The following HS6ST3 variants were observed in gnomAD, a reference collection of about 807,000 sequenced individuals.
The protein encoded by HS6ST3 is heparan-sulfate 6-O-sulfotransferase 3.
Under a neutral mutation model 36.7 loss-of-function variants are expected in HS6ST3, and 12 were observed. The ratio of observed to expected loss-of-function variants is 0.33; its 90% confidence interval spans 0.21 to 0.53. The LOEUF is 0.53. Among genes scored for constraint, HS6ST3 ranks in the 20% least tolerant of loss-of-function variants. The pLI is 0.95. For synonymous variants in HS6ST3, 240 were observed against 257.5 expected (o/e 0.93, Z 0.65); for missense variants, 584 against 640.9 (o/e 0.91, Z 0.96).
intron 1 of HS6ST3, among the ~76,000 whole-genome samples, chr13:96,314,262 A>G (rs1051981188): frequency 6.6e-6 from 1 of 152,122 alleles, no homozygotes; most frequent in Non-Finnish European, 1.5e-5. Flanking sequence ...CTGGAGTACA[A>G]GTGTGGTTCT....
chr13:96,657,591 T>A (rs551215408), intron 1 of HS6ST3, among the ~76,000 whole-genome samples: 2 of 152,250 alleles, frequency 1.3e-5, no homozygotes, highest in Non-Finnish European at 2.9e-5. Flanking sequence ...ATGAAAAGTT[T>A]TAGGTTTCAA....
At chr13:96,173,669 TA>T (rs5805954) in intron 1 of HS6ST3, among the ~76,000 whole-genome samples, 1,544 of 94,806 alleles carry the variant, frequency 0.016, 22 homozygotes, top group East Asian at 0.057. Flanking sequence ...TCACAGGTTG[TA>T]AAAAAAAAAA....
chr13:96,757,793 C>A (rs1280899920), intron 1 of HS6ST3, among the ~76,000 whole-genome samples: 1 of 152,006 alleles, frequency 6.6e-6, no homozygotes, highest in Non-Finnish European at 1.5e-5. Flanking sequence ...AACTATTAAA[C>A]CAATCTTCCA....
chr13:96,476,555 G>T (rs1208596578), intron 1 of HS6ST3, among the ~76,000 whole-genome samples: 1 of 152,080 alleles, frequency 6.6e-6, no homozygotes, highest in Non-Finnish European at 1.5e-5. Flanking sequence ...TAGAGACGGG[G>T]TTTCACCTTG....
At chr13:96,785,519 T>C (rs929767471) in intron 1 of HS6ST3, among the ~76,000 whole-genome samples, 17 of 152,198 alleles carry the variant, frequency 1.1e-4, no homozygotes, top group African/African-American at 4.1e-4. Context: ...GAATCTGAGC[T>C]GCCTGTCTCC....
intron 1 of HS6ST3, among the ~76,000 whole-genome samples, chr13:96,275,866 T>A (rs966122561): frequency 2.6e-5 from 4 of 151,782 alleles, no homozygotes; most frequent in Non-Finnish European, 5.9e-5. Context: ...TTTTTTTTTT[T>A]TTTTGGTGGT....
chr13:96,109,530 T>C (rs1163656379), intron 1 of HS6ST3, among the ~76,000 whole-genome samples: 2 of 152,226 alleles, frequency 1.3e-5, no homozygotes, highest in African/African-American at 4.8e-5. Context: ...GCCTGTGTTT[T>C]GTCTAAAGCT....
intron 1 of HS6ST3, among the ~76,000 whole-genome samples, chr13:96,186,222 T>C (rs115694240): frequency 0.011 from 1,638 of 152,294 alleles, 33 homozygotes; most frequent in African/African-American, 0.038. Context: ...TGTTTTCCTT[T>C]TGTGAAAAAT....
At chr13:96,126,981 T>C (rs1400855655) in intron 1 of HS6ST3, among the ~76,000 whole-genome samples, 1 of 152,158 alleles carries the variant, frequency 6.6e-6, no homozygotes, top group Admixed American at 6.6e-5. Context: ...GATCCCTACT[T>C]CTTCTGACTT....
chr13:96,207,744 A>G (rs2054378302), intron 1 of HS6ST3, among the ~76,000 whole-genome samples: 1 of 152,202 alleles, frequency 6.6e-6, no homozygotes, highest in Non-Finnish European at 1.5e-5. Context: ...CAGACACCAC[A>G]TGTTCTCACT....
intron 1 of HS6ST3, among the ~76,000 whole-genome samples, chr13:96,585,245 GGTTTA>G (rs1337227447): frequency 6.6e-6 from 1 of 151,556 alleles, no homozygotes; most frequent in African/African-American, 2.4e-5. Flanking sequence ...CTTTTTATAG[GGTTTA>G]GTTATGTTTT....
chr13:96,646,865 C>T (rs981722684), intron 1 of HS6ST3, among the ~76,000 whole-genome samples: 7 of 151,860 alleles, frequency 4.6e-5, no homozygotes. Context: ...GACTTTTTCC[C>T]CTTTTTCAAG....
intron 1 of HS6ST3, among the ~76,000 whole-genome samples, chr13:96,111,778 A>G (rs545359092): frequency 6.6e-6 from 1 of 152,344 alleles, no homozygotes; most frequent in East Asian, 1.9e-4. Flanking sequence ...TATAAAATAT[A>G]AGGGAATAAG....
At chr13:96,504,427 G>A (rs2056017848) in intron 1 of HS6ST3, among the ~76,000 whole-genome samples, 1 of 152,160 alleles carries the variant, frequency 6.6e-6, no homozygotes, top group African/African-American at 2.4e-5. Flanking sequence ...TTCTGAACAG[G>A]TGTTAGCAAC....
intron 1 of HS6ST3, among the ~76,000 whole-genome samples, chr13:96,180,844 A>ACAT (rs1321372781): frequency 6.6e-6 from 1 of 152,176 alleles, no homozygotes; most frequent in Non-Finnish European, 1.5e-5. Flanking sequence ...AAAGTAACAA[A>ACAT]CATCATCCAT....
At chr13:96,686,915 CAT>C (rs1030755830) in intron 1 of HS6ST3, among the ~76,000 whole-genome samples, 7 of 151,966 alleles carry the variant, frequency 4.6e-5, no homozygotes, top group Admixed American at 2.6e-4. Context: ...TACTCCAAAA[CAT>C]GTGATAATCA....
chr13:96,379,869 A>G (rs2055332663), intron 1 of HS6ST3, among the ~76,000 whole-genome samples: 1 of 152,166 alleles, frequency 6.6e-6, no homozygotes, highest in Non-Finnish European at 1.5e-5. Flanking sequence ...TATTTCTAGA[A>G]TTGTGGCAAC....
intron 1 of HS6ST3, among the ~76,000 whole-genome samples, chr13:96,409,358 A>G (rs2055495971): frequency 1.3e-5 from 2 of 152,252 alleles, no homozygotes; most frequent in African/African-American, 4.8e-5. Context: ...TGTACACAGC[A>G]GAAGCAAGCT....
chr13:96,195,383 C>A (rs1198944529), intron 1 of HS6ST3, among the ~76,000 whole-genome samples: 2 of 152,234 alleles, frequency 1.3e-5, no homozygotes, highest in African/African-American at 4.8e-5. Flanking sequence ...AAAAAACACT[C>A]TTTGCAGAAA....
Sources: gnomAD v4.1 joint callset for allele counts (sites outside exome capture counted in the v4.1 genomes callset) on GRCh38, gnomAD v4.1.1 for gene constraint, MANE v1.5 for transcripts, NCBI Gene and HGNC (gene_info 2026-07-23, HGNC 2026-07-21) for gene names.